Variants in CALN1 observed in about 807,000 individuals in gnomAD.
The protein encoded by CALN1 is calneuron 1, also known as calcium-binding protein 8.
In CALN1, 17 loss-of-function variants were observed where a neutral mutation model predicts 30.6. That is an observed-to-expected ratio of 0.56 (90% CI 0.38 to 0.83). The LOEUF (loss-of-function observed/expected upper bound fraction) is 0.83. Ranked by LOEUF, CALN1 falls within the 40% of genes least tolerant of loss-of-function variation. CALN1 has a pLI of 0.00. For missense variants in CALN1, 291 were observed against 354.9 expected, an observed-to-expected ratio of 0.82 and a Z score of 1.45; for synonymous variants, 156 against 131.4, an observed-to-expected ratio of 1.19 and a Z score of -1.28.
chr7:71,975,125 C>G (rs78481597), intron 5 of CALN1, among the ~76,000 whole-genome samples: 8,137 of 152,192 alleles, frequency 0.053, 519 homozygotes, highest in African/African-American at 0.16. Flanking sequence ...GGGACAGATA[C>G]TCTTCTCTGG....
intron 2 of CALN1, among the ~76,000 whole-genome samples, chr7:72,355,386 C>T (rs1443372266): frequency 6.7e-6 from 1 of 149,260 alleles, no homozygotes; most frequent in East Asian, 2.1e-4. Flanking sequence ...ATTAGCTAGG[C>T]GTGGTGGCGC....
rs554388262 is a variant in CALN1 at position 72,208,716 on chromosome 7, G to T, written c.244+69970C>A. Among the ~76,000 whole-genome samples, 8 of 152,218 alleles carry T rather than the reference G, an allele frequency of 5.3e-5. No individual in the cohort carries two copies. In the South Asian group the frequency reaches 1.7e-3, roughly 32 times the overall value. On this transcript the variant is annotated intron_variant, in intron 3 of 6. Coordinates refer to ENST00000395275, the MANE Select transcript of CALN1 (RefSeq NM_031468.4). ...TGGGAAAACAACTATTTTTAAAAAAGCCAGAAGCCATGCTCGATACACAGG... is the reference window on the plus strand; with the variant it reads ...TGGGAAAACAACTATTTTTAAAAAATCCAGAAGCCATGCTCGATACACAGG...
intron 2 of CALN1, among the ~76,000 whole-genome samples, chr7:72,344,854 C>G (rs1209922064): frequency 6.8e-6 from 1 of 146,760 alleles, no homozygotes. Flanking sequence ...GTATATATAG[C>G]ATATATTTAT....
chr7:72,371,064 AAAG>A (rs1447409520), intron 2 of CALN1, among the ~76,000 whole-genome samples: 5 of 151,810 alleles, frequency 3.3e-5, no homozygotes, highest in East Asian at 1.9e-4. Context: ...AAAAAAAAAA[AAAG>A]AGAGGGCTCT....
chr7:71,821,186 C>T (rs1223364337), intron 5 of CALN1, among the ~76,000 whole-genome samples: 1 of 152,024 alleles, frequency 6.6e-6, no homozygotes, highest in African/African-American at 2.4e-5. Flanking sequence ...TGACACCACC[C>T]AAGAAGAGAG....
chr7:72,169,707 C>A (rs1278582842), intron 3 of CALN1, among the ~76,000 whole-genome samples: 2 of 151,742 alleles, frequency 1.3e-5, no homozygotes, highest in African/African-American at 4.8e-5. Flanking sequence ...TCTTTTCCCC[C>A]AAGACAAAGT....
intron 5 of CALN1, among the ~76,000 whole-genome samples, chr7:71,935,978 T>C (rs546219400): frequency 6.6e-6 from 1 of 152,194 alleles, no homozygotes; most frequent in African/African-American, 2.4e-5. Flanking sequence ...GACCTGTCAG[T>C]GTAGTAGAGA....
chr7:72,425,910 C>T lies in CALN1; in HGVS notation c.-225-13635G>A, dbSNP rs971554175. 2.6e-5 allele frequency among the ~76,000 whole-genome samples: 4 copies of T among 152,038 alleles called. No homozygotes were observed. In the South Asian group the frequency reaches 8.3e-4, roughly 32 times the overall value. On this transcript the variant is annotated intron_variant, in intron 1 of 6. Transcript: ENST00000395276. ...TTTGGGAAAGAGATTCCAATAATTACAATCAAACTCCTCCTCATCCCAGGG... is the reference window on the plus strand; with the variant it reads ...TTTGGGAAAGAGATTCCAATAATTATAATCAAACTCCTCCTCATCCCAGGG...
rs1416870708 is a variant in CALN1, at chr7:72,122,422, G to A, written c.245-16128C>T. 2.0e-5 allele frequency among the ~76,000 whole-genome samples: 3 copies of A among 152,128 alleles called. No homozygotes were observed. In the East Asian group the frequency reaches 5.8e-4, roughly 29 times the overall value. Reference sequence around the variant, plus strand: ...CATGGCACCACCTCCCCTGCCCCCAGGGTCTTGAGAATCCTTTCAAGAAGC... The same window carrying A: ...CATGGCACCACCTCCCCTGCCCCCAAGGTCTTGAGAATCCTTTCAAGAAGC... On this transcript the variant is annotated intron_variant, in intron 3 of 6. Transcript: ENST00000395275.
At chr7:72,191,602 AAG>A (rs1052356331) in intron 3 of CALN1, among the ~76,000 whole-genome samples, 1 of 148,762 alleles carries the variant, frequency 6.7e-6, no homozygotes, top group African/African-American at 2.5e-5. Flanking sequence ...AGAAAGGAGG[AAG>A]AGAGTGCAGA....
chr7:72,455,321 A>ATATGTGTG, the CALN1 span, among the ~76,000 whole-genome samples: 1 of 138,764 alleles, frequency 7.2e-6, no homozygotes, highest in African/African-American at 2.8e-5. Flanking sequence ...ATATATATAT[A>ATATGTGTG]TGTGTGTGTG....
At chr7:72,337,364 G>A (rs905438253) in intron 2 of CALN1, 39 of 918,288 alleles carry the variant, frequency 4.2e-5, no homozygotes, top group Middle Eastern at 1.1e-3. Flanking sequence ...TGGCTCCCTC[G>A]GTTTCCAAGC....
chr7:71,937,935 A>G (rs1795929285), intron 5 of CALN1, among the ~76,000 whole-genome samples: 1 of 152,050 alleles, frequency 6.6e-6, no homozygotes, highest in African/African-American at 2.4e-5. Flanking sequence ...GAACCACATC[A>G]TTTTTATCTC....
At chr7:72,399,960 CAT>C (rs1491193666) in intron 2 of CALN1, among the ~76,000 whole-genome samples, 3 of 152,174 alleles carry the variant, frequency 2.0e-5, no homozygotes, top group East Asian at 1.9e-4. Flanking sequence ...CCTCTCTCTC[CAT>C]ATGACATGCC....
At chr7:71,791,879 C>T (rs1438617056) in intron 6 of CALN1, among the ~76,000 whole-genome samples, 6 of 152,020 alleles carry the variant, frequency 3.9e-5, no homozygotes, top group East Asian at 3.9e-4. Flanking sequence ...GGCGTGTTGG[C>T]GGGCGCCTGC....
At chr7:71,873,138 G>C (rs1274386869) in intron 5 of CALN1, among the ~76,000 whole-genome samples, 6 of 150,680 alleles carry the variant, frequency 4.0e-5, no homozygotes, top group African/African-American at 1.5e-4. Context: ...TGAGTAGCTA[G>C]GATTACAGGC....
At chr7:72,128,832 G>A (rs1219921837) in intron 3 of CALN1, among the ~76,000 whole-genome samples, 5 of 152,138 alleles carry the variant, frequency 3.3e-5, no homozygotes, top group Admixed American at 6.6e-5. Flanking sequence ...AGATCGGGCC[G>A]CTGCACTTCA....
At chr7:72,164,663 T>C (rs1049795323) in intron 3 of CALN1, among the ~76,000 whole-genome samples, 2 of 152,154 alleles carry the variant, frequency 1.3e-5, no homozygotes, top group African/African-American at 4.8e-5. Flanking sequence ...CATGGTTACA[T>C]GAGTATATAC....
the CALN1 span, among the ~76,000 whole-genome samples, chr7:72,465,749 A>G: frequency 6.6e-6 from 1 of 152,238 alleles, no homozygotes; most frequent in Non-Finnish European, 1.5e-5. Flanking sequence ...TGCAGTATAA[A>G]ATGCTGGCTT....
Sources: allele counts gnomAD v4.1 joint callset (sites outside exome capture counted in the v4.1 genomes callset), GRCh38; gene constraint gnomAD v4.1.1; transcripts MANE v1.5; gene names NCBI Gene and HGNC (gene_info 2026-07-23, HGNC 2026-07-21).